Variants in NHSL1 observed in about 807,000 individuals in gnomAD.
NHSL1 encodes the protein NHS like 1.
A neutral mutation model predicts 95.0 loss-of-function variants in NHSL1; 48 were observed. The ratio of observed to expected loss-of-function variants is 0.51; its 90% CI spans 0.40 to 0.64. The LOEUF is 0.64. NHSL1 is among the 30% of genes least tolerant of loss of function. The pLI, the probability that NHSL1 is intolerant of heterozygous loss-of-function variation, is 0.00. For synonymous variants in NHSL1, 783 were observed against 833.9 expected (o/e 0.94, Z 1.05); for missense variants, 1,971 against 2,077.7 (o/e 0.95, Z 1.00).
rs1583456045 is a variant in NHSL1 at position 138,626,850 on chromosome 6, C to T, written c.96+65626G>A. Among the ~76,000 whole-genome samples, 2 of 64,818 alleles carry T rather than the reference C, an allele frequency of 3.1e-5. 1 individual carries two copies. Among genetic ancestry groups the T allele is most frequent in the Non-Finnish European group, 5.6e-5 (2 of 35,912 alleles). The allele number at this position is 64,818 out of a possible 152,430, so 42.5% of individuals were successfully genotyped here. A position where few individuals can be genotyped will look rare whatever the true frequency, so the allele number is the denominator to read the frequency against. ...CGGAGCTTGCAGTGAGCCGAGATCC[C>T]GCCACTGCACTCCAGCCTGGGCGAC... On this transcript the variant is annotated intron_variant, in intron 1 of 3. Coordinates refer to the NHSL1 transcript ENST00000491526.
intron 1 of NHSL1, among the ~76,000 whole-genome samples, chr6:138,582,595 C>A (rs537076749): frequency 8.5e-5 from 13 of 152,300 alleles, no homozygotes; most frequent in Admixed American, 3.9e-4. Context: ...AGCTGAGCAT[C>A]CGCCCAACCC....
chr6:138,485,518 A>C (rs1562317694), intron 2 of NHSL1, among the ~76,000 whole-genome samples: 2 of 150,732 alleles, frequency 1.3e-5, no homozygotes, highest in Non-Finnish European at 3.0e-5. Flanking sequence ...AAAAGCAATG[A>C]TTGTTCATTT....
At chr6:138,557,256 C>G (rs1000707669) in intron 1 of NHSL1, among the ~76,000 whole-genome samples, 1 of 152,182 alleles carries the variant, frequency 6.6e-6, no homozygotes, top group Admixed American at 6.5e-5. Context: ...CACTTATCAA[C>G]GGATCATTTT....
chr6:138,425,549 T>C (rs1232140169), intron 7 of NHSL1, among the ~76,000 whole-genome samples: 2 of 152,124 alleles, frequency 1.3e-5, no homozygotes, highest in African/African-American at 2.4e-5. Context: ...AAACAAATCT[T>C]AGACACTATT....
chr6:138,572,890 C>G (rs200754700), upstream of NHSL1, among the ~76,000 whole-genome samples: 18 of 97,314 alleles, frequency 1.8e-4, no homozygotes, highest in South Asian at 3.5e-3. Flanking sequence ...TAGATAGATA[C>G]ATCCAACATT....
intron 1 of NHSL1, among the ~76,000 whole-genome samples, chr6:138,516,091 C>A (rs1272739462): frequency 1.3e-5 from 2 of 152,232 alleles, no homozygotes; most frequent in African/African-American, 2.4e-5. Context: ...GATACAAGTC[C>A]TCATTTCCAT....
intron 1 of NHSL1, among the ~76,000 whole-genome samples, chr6:138,623,975 C>G (rs547144822): frequency 1.3e-5 from 2 of 152,194 alleles, no homozygotes; most frequent in South Asian, 4.2e-4. Context: ...TGCTTCTTTG[C>G]CTTCCACCAT....
intron 3 of NHSL1, among the ~76,000 whole-genome samples, chr6:138,458,874 G>T (rs749814649): frequency 3.3e-5 from 5 of 150,796 alleles, no homozygotes; most frequent in Non-Finnish European, 5.9e-5. Context: ...ATCTACTCAC[G>T]TTTTTATTGG....
chr6:138,673,559 C>T (rs1427756689), intron 1 of NHSL1, among the ~76,000 whole-genome samples: 6 of 151,986 alleles, frequency 3.9e-5, no homozygotes, highest in Admixed American at 3.3e-4. Context: ...AGTCTAAAGG[C>T]TCTCACTGAA....
intron 1 of NHSL1, among the ~76,000 whole-genome samples, chr6:138,689,475 T>C (rs1210815903): frequency 6.6e-6 from 1 of 152,216 alleles, no homozygotes; most frequent in Non-Finnish European, 1.5e-5. Flanking sequence ...CCTCTCAGGA[T>C]CATTGAGGCC....
intron 1 of NHSL1, among the ~76,000 whole-genome samples, chr6:138,517,924 G>A (rs1475046091): frequency 6.6e-6 from 1 of 152,188 alleles, no homozygotes; most frequent in Non-Finnish European, 1.5e-5. Context: ...GTGGGTCAGG[G>A]TGGCACAGCC....
chr6:138,504,259 AAG>A (rs765716218), upstream of NHSL1, among the ~76,000 whole-genome samples: 1 of 146,410 alleles, frequency 6.8e-6, no homozygotes, highest in African/African-American at 2.4e-5. Context: ...GAGAGAGAGA[AAG>A]AGAGAGAGAA....
chr6:138,575,152 G>A (rs1328641580), upstream of NHSL1, among the ~76,000 whole-genome samples: 4 of 152,176 alleles, frequency 2.6e-5, no homozygotes, highest in East Asian at 7.7e-4. Context: ...GTCTGCCTCG[G>A]CCTCCCAAAG....
chr6:138,533,617 A>AT (rs1419460473), intron 1 of NHSL1, among the ~76,000 whole-genome samples: 1 of 152,228 alleles, frequency 6.6e-6, no homozygotes, highest in Non-Finnish European at 1.5e-5. Flanking sequence ...ATAATCTCAT[A>AT]TTTCTGAAAA....
In NHSL1 at chr6:138,488,560, T is replaced by C. The variant is rs150111518; in HGVS notation, c.211+7659A>G. ...ATGAAAGAATGGTTATAGATATTAA[T>C]CAAACATGTCATGTGATGCTTCCTT... On this transcript the variant is annotated intron_variant, in intron 2 of 7. Transcript: ENST00000343505. 1.4e-3 allele frequency among the ~76,000 whole-genome samples: 206 copies of C among 152,340 alleles called. 2 individuals carry two copies. Among genetic ancestry groups the C allele is most frequent in the Admixed American group, 0.012 (189 of 15,302 alleles).
intron 1 of NHSL1, among the ~76,000 whole-genome samples, chr6:138,686,766 C>A (rs1785589945): frequency 6.6e-6 from 1 of 152,158 alleles, no homozygotes; most frequent in African/African-American, 2.4e-5. Flanking sequence ...AATGAGCTTT[C>A]TAGACGATTG....
At chr6:138,546,954 T>A (rs1464773773), upstream of NHSL1, among the ~76,000 whole-genome samples, 1 of 152,174 alleles carries the variant, frequency 6.6e-6, no homozygotes, top group African/African-American at 2.4e-5. Flanking sequence ...ATCTGAACCC[T>A]AAGTGGCCCC....
At chr6:138,441,447 A>G (rs982800513) in intron 5 of NHSL1, among the ~76,000 whole-genome samples, 1 of 152,240 alleles carries the variant, frequency 6.6e-6, no homozygotes, top group African/African-American at 2.4e-5. Flanking sequence ...AGGATAAAGA[A>G]GCTATGAAAT....
chr6:138,512,801 T>G (rs114894685), intron 1 of NHSL1, among the ~76,000 whole-genome samples: 1 of 152,214 alleles, frequency 6.6e-6, no homozygotes, highest in Non-Finnish European at 1.5e-5. Context: ...TCTATGCACA[T>G]GGCGAGAGAA....
Sources: gnomAD v4.1 joint callset for allele counts (sites outside exome capture counted in the v4.1 genomes callset) on GRCh38, gnomAD v4.1.1 for gene constraint, MANE v1.5 for transcripts, NCBI Gene and HGNC (gene_info 2026-07-23, HGNC 2026-07-21) for gene names.